Variants in TCF4 observed in about 807,000 individuals in gnomAD.
TCF4 encodes transcription factor 4.
In TCF4, 3 loss-of-function variants were observed where a neutral mutation model predicts 82.1. That is an observed-to-expected ratio of 0.04 (90% CI 0.02 to 0.09). The LOEUF is 0.09. TCF4 is among the 10% of genes least tolerant of loss of function. The pLI is 1.00. For missense variants in TCF4, 518 were observed against 852.7 expected (o/e 0.61, Z 4.89); for synonymous variants, 276 against 309.6 (o/e 0.89, Z 1.14).
chr18:55,299,999 C>G (rs1414120148), intron 8 of TCF4, among the ~76,000 whole-genome samples: 1 of 151,974 alleles, frequency 6.6e-6, no homozygotes, highest in African/African-American at 2.4e-5. Flanking sequence ...AGATGGAACC[C>G]CAAAGAACTC....
chr18:55,551,249 T>C (rs1449358010), intron 3 of TCF4: 1 of 152,212 alleles, frequency 6.6e-6, no homozygotes, highest in Non-Finnish European at 1.5e-5. Context: ...CCAGCCCTCT[T>C]TACATATTAT....
chr18:55,393,995 G>A (rs899791993), intron 6 of TCF4, among the ~76,000 whole-genome samples: 2 of 152,148 alleles, frequency 1.3e-5, no homozygotes, highest in African/African-American at 2.4e-5. Context: ...AGGTGGGCTC[G>A]AGGGAATACA....
At chr18:55,397,971 T>C (rs745828588) in intron 6 of TCF4, among the ~76,000 whole-genome samples, 4 of 152,208 alleles carry the variant, frequency 2.6e-5, no homozygotes, top group African/African-American at 7.2e-5. Flanking sequence ...CTGTTCTGGA[T>C]GCTCAAAAAT....
chr18:55,237,677 G>T (rs1599681945), intron 15 of TCF4, among the ~76,000 whole-genome samples: 1 of 151,944 alleles, frequency 6.6e-6, no homozygotes, highest in Admixed American at 6.6e-5. Context: ...TCTATTCCAG[G>T]TCATGTGAAT....
At chr18:55,375,752 T>C (rs967911259) in intron 6 of TCF4, among the ~76,000 whole-genome samples, 2 of 151,884 alleles carry the variant, frequency 1.3e-5, no homozygotes, top group East Asian at 1.9e-4. Context: ...AAAATCATAA[T>C]GGAACAAAAA....
At chr18:55,635,762 T>C in exon 1 of TCF4, 2 of 1,550,656 alleles carry the variant, frequency 1.3e-6, no homozygotes, top group East Asian at 2.4e-5. Flanking sequence ...CATGTTACAA[T>C]GTCCTGAGAA....
chr18:55,494,056 CTACT>C lies in TCF4; in HGVS notation c.146-29923_146-29920del, dbSNP rs565948635. On this transcript the variant is annotated intron_variant, in intron 3 of 19. Coordinates refer to ENST00000354452, the MANE Select transcript of TCF4 (RefSeq NM_001083962.2). ...TTTATATTACTTTGCATATACTCCC[CTACT>C]TAAATATTATATTCTTAAATAACTA... 1.2e-4 allele frequency among the ~76,000 whole-genome samples: 18 copies of C among 152,090 alleles called. 1 individual carries two copies. In the South Asian group the frequency reaches 3.5e-3, roughly 30 times the overall value.
intron 11 of TCF4, among the ~76,000 whole-genome samples, chr18:55,263,590 G>A (rs1167231653): frequency 6.6e-6 from 1 of 151,920 alleles, no homozygotes. Context: ...CTGGGCAACA[G>A]GATCAAAACT....
At position 55,614,647 on chromosome 18, in the gene TCF4, T is replaced by G. The variant is rs563723492; in HGVS notation, c.286+16651A>C. Reference sequence around the variant, plus strand: ...TGAGTTTTAAAAGTACTGTATATATTCTGGACACAGTTCTTTTATAATACA... The same window carrying G: ...TGAGTTTTAAAAGTACTGTATATATGCTGGACACAGTTCTTTTATAATACA... On this transcript the variant is annotated intron_variant, in intron 2 of 20. Transcript: ENST00000398339. 3.3e-5 allele frequency among the ~76,000 whole-genome samples: 5 copies of G among 152,328 alleles called. No homozygotes were observed. The South Asian group carries it at 1.0e-3, about 32-fold the overall frequency.
At position 55,279,672 on chromosome 18, in the gene TCF4, CAACT is replaced by C. The variant is rs1319153549; in HGVS notation, c.550-20_550-17del. On this transcript the variant is annotated splice_polypyrimidine_tract_variant and intron_variant, in intron 8 of 19. Coordinates refer to ENST00000354452, the MANE Select transcript of TCF4 (RefSeq NM_001083962.2). Reference sequence around the variant, plus strand: ...GAGCATAGACCTGAGGAGAAAGAACCAACTGAGTTTTGCTTTTTGCATTGACCAC... The same window carrying C: ...GAGCATAGACCTGAGGAGAAAGAACCGAGTTTTGCTTTTTGCATTGACCAC... 1.9e-6 allele frequency: 3 copies of C among 1,613,594 alleles called. No individual in the cohort carries two copies. The highest frequency in any genetic ancestry group is 2.5e-6 in the Non-Finnish European group (3 of 1,179,770).
At chr18:55,325,703 T>TTTG (rs1294158711) in intron 8 of TCF4, among the ~76,000 whole-genome samples, 11 of 152,200 alleles carry the variant, frequency 7.2e-5, no homozygotes, top group African/African-American at 1.9e-4. Context: ...TTGTTGTTGT[T>TTTG]TTGTTGTTGT....
At chr18:55,461,173 A>T in intron 4 of TCF4, 58 bp from the exon 5 acceptor site, 1 of 1,420,008 alleles carries the variant, frequency 7.0e-7, no homozygotes, top group Non-Finnish European at 9.8e-7. Flanking sequence ...GCACATAAAC[A>T]AACATAGCTC....
chr18:55,416,794 T>C (rs1016137292), intron 5 of TCF4, among the ~76,000 whole-genome samples: 2 of 152,246 alleles, frequency 1.3e-5, no homozygotes, highest in Non-Finnish European at 2.9e-5. Context: ...TAAATGACTT[T>C]GACATGCAGC....
chr18:55,588,151 G>A lies in TCF4; in HGVS notation c.-134C>T. On this transcript the variant is annotated 5_prime_UTR_variant, in exon 1 of 20. Transcript: ENST00000354452. Reference sequence around the variant, plus strand: ...TCCTGCGCCCGCTCCCGCGCCTGCTGCCTCCCCGCCGCCGCCGCCGCCGCC... The same window carrying A: ...TCCTGCGCCCGCTCCCGCGCCTGCTACCTCCCCGCCGCCGCCGCCGCCGCC... 2.8e-6 allele frequency: 3 copies of A among 1,089,266 alleles called. No homozygotes were observed. Among genetic ancestry groups the A allele is most frequent in the Non-Finnish European group, 3.3e-6 (3 of 903,094 alleles). The allele number at this position is 1,089,266 out of a possible 1,614,324, so 67.5% of individuals were successfully genotyped here.
intron 5 of TCF4, among the ~76,000 whole-genome samples, chr18:55,407,604 G>A (rs2094155792): frequency 6.7e-6 from 1 of 149,550 alleles, no homozygotes; most frequent in Admixed American, 6.7e-5. Context: ...GCTTCCCCTG[G>A]CCCAGAAAAA....
intron 8 of TCF4, among the ~76,000 whole-genome samples, chr18:55,345,435 G>A (rs927897841): frequency 5.3e-5 from 8 of 152,060 alleles, no homozygotes; most frequent in African/African-American, 1.7e-4. Context: ...TATATATGCC[G>A]TGTAAATTGT....
In TCF4 at chr18:55,426,099, T is replaced by TTATATATATATATATATATA. The variant is rs35262105; in HGVS notation, c.305-22601_305-22582dup. Among the ~76,000 whole-genome samples, 755 of 138,286 alleles carry TTATATATATATATATATATA rather than the reference T, an allele frequency of 5.5e-3. 3 individuals carry two copies. The highest frequency in any genetic ancestry group is 0.02 in the African/African-American group (705 of 34,606). 90.7% of individuals were successfully genotyped at this position (138,286 alleles called of 152,430 possible). On this transcript the variant is annotated intron_variant, in intron 5 of 19. Transcript: ENST00000354452. ...AAAACACAAACCAAGACAAAAAATT[T>TTATATATATATATATATATA]TATATATATATATATATATACACAC...
rs182540104 is a variant in TCF4, at chr18:55,600,051, G to A, written c.287-12915C>T. 9.7e-4 allele frequency among the ~76,000 whole-genome samples: 146 copies of A among 150,996 alleles called. 1 individual carries two copies. Among genetic ancestry groups the A allele is most frequent in the African/African-American group, 3.5e-3 (143 of 41,236 alleles). Reference sequence around the variant, plus strand: ...ATGTGGTTGCCTGTAGGAGAAGGCTGTTTTTTTTTATTGCTGTGTAATACT... The same window carrying A: ...ATGTGGTTGCCTGTAGGAGAAGGCTATTTTTTTTTATTGCTGTGTAATACT... On this transcript the variant is annotated intron_variant, in intron 2 of 20. Coordinates refer to the TCF4 transcript ENST00000398339.
chr18:55,322,105 CT>C (rs1213553765), intron 8 of TCF4: 136,739 of 779,160 alleles, frequency 0.18, 353 homozygotes, highest in South Asian at 0.2. Context: ...TTTTTTTTTC[CT>C]TTTTTTTTTT....
Sources: allele counts gnomAD v4.1 joint callset (sites outside exome capture counted in the v4.1 genomes callset), GRCh38; gene constraint gnomAD v4.1.1; transcripts MANE v1.5; gene names NCBI Gene and HGNC (gene_info 2026-07-23, HGNC 2026-07-21).